Variants in CAMSAP1 observed in about 807,000 individuals in gnomAD.
The protein encoded by CAMSAP1 is calmodulin regulated spectrin associated protein 1.
In CAMSAP1, 58 loss-of-function variants were observed where a neutral mutation model predicts 143.5. The observed-to-expected ratio is 0.40, with a 90% CI of 0.33 to 0.50. CAMSAP1 has a LOEUF of 0.50. Ranked by LOEUF, CAMSAP1 falls within the 20% of genes least tolerant of loss-of-function variation. The probability of loss-of-function intolerance (pLI) is 0.45; values close to 1 mark genes in which losing one functional copy is unlikely to be tolerated. For synonymous variants in CAMSAP1, 945 were observed against 859.3 expected (o/e 1.10, Z -1.74); for missense variants, 1,969 against 2,115.7 (o/e 0.93, Z 1.36).
At position 135,887,355 on chromosome 9, in the gene CAMSAP1, GC is replaced by G. The variant is rs528047969; in HGVS notation, c.161-4278del. Among the ~76,000 whole-genome samples, 38 of 152,370 alleles carry G rather than the reference GC, an allele frequency of 2.5e-4. No individual in the cohort carries two copies. The East Asian group carries it at 5.8e-3, about 23-fold the overall frequency. On this transcript the variant is annotated intron_variant, in intron 1 of 16. Coordinates refer to ENST00000389532, the MANE Select transcript of CAMSAP1 (RefSeq NM_015447.4). Reference sequence around the variant, plus strand: ...CAGAGCCCGCCGGACTCAGCTGGCAGCCTCGGGAAGAGCATTCTGAGAACTG... The same window carrying G: ...CAGAGCCCGCCGGACTCAGCTGGCAGCTCGGGAAGAGCATTCTGAGAACTG...
At chr9:135,845,503 G>C (rs1041524023) in intron 7 of CAMSAP1, among the ~76,000 whole-genome samples, 1 of 152,326 alleles carries the variant, frequency 6.6e-6, no homozygotes, top group East Asian at 1.9e-4. Flanking sequence ...CACAGTATTG[G>C]AAGTTCTGGC....
At chr9:135,866,388 C>A in intron 4 of CAMSAP1, 68 bp downstream of exon 4, 1 of 806,872 alleles carries the variant, frequency 1.2e-6, no homozygotes, top group Non-Finnish European at 2.1e-6. Flanking sequence ...TGGGAACTAA[C>A]AGAATTCTTT....
intron 7 of CAMSAP1, among the ~76,000 whole-genome samples, chr9:135,840,812 T>C (rs965935050): frequency 6.6e-6 from 1 of 152,210 alleles, no homozygotes; most frequent in East Asian, 1.9e-4. Context: ...TGGTGCATTC[T>C]GGTCCAAATA....
At position 135,855,878 on chromosome 9, in the gene CAMSAP1, C is replaced by T. The variant is rs563719444; in HGVS notation, c.809-5417G>A. On this transcript the variant is annotated intron_variant, in intron 5 of 16. Transcript: ENST00000389532. ...CCATCCTGGCTAACACGGTGAAACC[C>T]TGTCTCTACTAAAAATACAAAAAAT... Among the ~76,000 whole-genome samples, 57 of 152,002 alleles carry T rather than the reference C, an allele frequency of 3.7e-4. 1 individual carries two copies. Among genetic ancestry groups the T allele is most frequent in the East Asian group, 1.2e-3 (6 of 5,176 alleles).
In CAMSAP1 at chr9:135,821,408, C is replaced by A; in HGVS notation, c.3253G>T (p.Ala1085Ser). Residue 1085 changes from alanine to serine, a missense_variant, in exon 11 of 17, where the codon GCT becomes TCT. By Grantham distance (99) the Ala-to-Ser change is moderately conservative. This residue lies in a region of CAMSAP1 where 1,390 missense variants were observed against 1,420.8 expected (regional missense o/e 0.98). Coordinates refer to ENST00000389532, the MANE Select transcript of CAMSAP1 (RefSeq NM_015447.4). This position sits in a 1 kb window ranked among gnomAD's most constrained non-coding sequence, Gnocchi z 4.6. ...AGCCGGGGGGCTTTGCGGTGGCCAG[C>A]CACGCCCGTGGGAGAGAGTGGCTCC... ...FVEPLSPTGV[A>S]GHRKAPRLGQ... The A allele has an allele frequency of 6.2e-7, 1 of 1,613,958 alleles. No homozygotes were observed. Among genetic ancestry groups the A allele is most frequent in the Non-Finnish European group, 8.5e-7 (1 of 1,179,858 alleles).
intron 3 of CAMSAP1, among the ~76,000 whole-genome samples, chr9:135,876,304 T>C (rs952750373): frequency 1.3e-5 from 2 of 152,208 alleles, no homozygotes; most frequent in Non-Finnish European, 2.9e-5. Flanking sequence ...GTGGCCGGCC[T>C]GGGAGAAGAT....
chr9:135,815,588 G>A (rs1209001014), intron 15 of CAMSAP1, among the ~76,000 whole-genome samples: 1 of 152,208 alleles, frequency 6.6e-6, no homozygotes, highest in Non-Finnish European at 1.5e-5. Context: ...CTGCTCCAAG[G>A]GCAGCTGGTG....
intron 7 of CAMSAP1, among the ~76,000 whole-genome samples, chr9:135,841,774 GAAAAGTAACA>G (rs1379953941): frequency 6.6e-6 from 1 of 152,178 alleles, no homozygotes; most frequent in Non-Finnish European, 1.5e-5. Flanking sequence ...CTTTTAGAAG[GAAAAGTAACA>G]GAAAGGAATA....
At chr9:135,858,069 T>C (rs1477181517) in intron 5 of CAMSAP1, among the ~76,000 whole-genome samples, 3 of 151,912 alleles carry the variant, frequency 2.0e-5, no homozygotes, top group Non-Finnish European at 2.9e-5. Context: ...ACCAGCATCC[T>C]TGGTGCTCCG....
rs1201259853 is a variant in CAMSAP1 at position 135,826,718 on chromosome 9, G to T, written c.1223+689C>A. ...TGTTAAAAATGTTTCTCCACTTTCG[G>T]TGTGCTAACTGGCTCCAGGCTGGCA... On this transcript the variant is annotated intron_variant, in intron 8 of 16. Coordinates refer to ENST00000389532, the MANE Select transcript of CAMSAP1 (RefSeq NM_015447.4). The surrounding 1 kb of genome is among the most constrained non-coding windows in gnomAD (Gnocchi z 4.4). Among the ~76,000 whole-genome samples, 1 of 152,086 alleles carries T rather than the reference G, an allele frequency of 6.6e-6. No homozygotes were observed. Among genetic ancestry groups the T allele is most frequent in the Non-Finnish European group, 1.5e-5 (1 of 68,024 alleles).
rs73557281 is a variant in CAMSAP1 at position 135,811,808 on chromosome 9, G to A, written c.4507-197C>T. Reference sequence around the variant, plus strand: ...TATATGCCATTGAGACTTTACTTAAGAAGTCTAAGCAAGCAAGGGGGAAAA... The same window carrying A: ...TATATGCCATTGAGACTTTACTTAAAAAGTCTAAGCAAGCAAGGGGGAAAA... On this transcript the variant is annotated intron_variant, in intron 16 of 16. Transcript: ENST00000389532. This position sits in a 1 kb window ranked among gnomAD's most constrained non-coding sequence, Gnocchi z 4.9. Among the ~76,000 whole-genome samples, 2,757 of 152,272 alleles carry A rather than the reference G, an allele frequency of 0.018. 90 individuals carry two copies. The highest frequency in any genetic ancestry group is 0.064 in the African/African-American group (2,648 of 41,540).
intron 7 of CAMSAP1, among the ~76,000 whole-genome samples, chr9:135,838,949 A>G (rs1836237721): frequency 6.6e-6 from 1 of 151,096 alleles, no homozygotes. Context: ...ACATATCACC[A>G]CACACTTTAT....
chr9:135,843,250 C>T (rs920768423), intron 7 of CAMSAP1, among the ~76,000 whole-genome samples: 3 of 151,936 alleles, frequency 2.0e-5, no homozygotes, highest in African/African-American at 7.3e-5. Flanking sequence ...TCGCTTGAAC[C>T]CGGGAGGCAG....
intron 3 of CAMSAP1, among the ~76,000 whole-genome samples, chr9:135,867,201 G>A (rs1035803994): frequency 1.3e-5 from 2 of 151,936 alleles, no homozygotes; most frequent in African/African-American, 4.8e-5. Flanking sequence ...AGACAAAGGA[G>A]TCCACCATGC....
intron 1 of CAMSAP1, among the ~76,000 whole-genome samples, chr9:135,890,544 T>G (rs1838260254): frequency 6.6e-6 from 1 of 152,120 alleles, no homozygotes; most frequent in South Asian, 2.1e-4. Flanking sequence ...CTCTAGGGCC[T>G]GCCCAATGAC....
At chr9:135,836,452 T>C (rs1836043711) in intron 7 of CAMSAP1, 2 of 981,340 alleles carry the variant, frequency 2.0e-6, no homozygotes, top group Non-Finnish European at 2.4e-6. Flanking sequence ...TACCCTGTTC[T>C]ACAGACACGT....
intron 1 of CAMSAP1, among the ~76,000 whole-genome samples, chr9:135,903,462 G>A (rs775179323): frequency 6.6e-6 from 1 of 152,182 alleles, no homozygotes; most frequent in Non-Finnish European, 1.5e-5. Context: ...TGAAACTGAA[G>A]GAAGTGTTTC....
chr9:135,890,355 G>A (rs1207243261), intron 1 of CAMSAP1, among the ~76,000 whole-genome samples: 1 of 152,106 alleles, frequency 6.6e-6, no homozygotes, highest in Non-Finnish European at 1.5e-5. Flanking sequence ...GGCCAACTGG[G>A]TGGTGAGGAA....
At chr9:135,905,801 T>C (rs1022024554) in intron 1 of CAMSAP1, among the ~76,000 whole-genome samples, 5 of 152,176 alleles carry the variant, frequency 3.3e-5, no homozygotes. Flanking sequence ...CGGCAGTGAC[T>C]GCAAGATACC....
Sources: gnomAD v4.1 joint callset for allele counts (sites outside exome capture counted in the v4.1 genomes callset) on GRCh38, gnomAD v4.1.1 for gene constraint, gnomAD v4.1.1 regional missense constraint, Gnocchi (gnomAD v3.1) non-coding constraint, MANE v1.5 for transcripts, NCBI Gene and HGNC (gene_info 2026-07-23, HGNC 2026-07-21) for gene names.